ATP10D: variants seen among roughly 807,000 people sequenced by gnomAD.
ATP10D encodes the protein ATPase phospholipid transporting 10D (putative).
Under a neutral mutation model 144.8 loss-of-function variants are expected in ATP10D, and 89 were observed. That is an observed-to-expected ratio of 0.61 (90% confidence interval 0.52 to 0.73). The LOEUF (loss-of-function observed/expected upper bound fraction) is 0.73. Among genes scored for constraint, ATP10D ranks in the 30% least tolerant of loss-of-function variants. The pLI is 0.00. For synonymous variants in ATP10D, 571 were observed against 615.1 expected, an observed-to-expected ratio of 0.93 and a Z score of 1.06; for missense variants, 1,603 against 1,714.8, an observed-to-expected ratio of 0.93 and a Z score of 1.15.
At chr4:47,515,390 T>C in intron 2 of ATP10D, 86 bp from the exon 3 acceptor site, 1 of 1,073,566 alleles carries the variant, frequency 9.3e-7, no homozygotes, top group East Asian at 2.4e-5. Flanking sequence ...AATAGAAACT[T>C]ACAGAAAAAC....
chr4:47,563,492 G>A (rs998995468), intron 14 of ATP10D, 89 bp from the exon 15 acceptor site: 4 of 1,241,760 alleles, frequency 3.2e-6, no homozygotes, highest in African/African-American at 1.5e-5. Flanking sequence ...GGTTGAGTTG[G>A]CTAACAGATA....
rs1229049567 is a variant in ATP10D, at chr4:47,576,925, G to T, written c.3519G>T (p.Glu1173Asp). The T allele has an allele frequency of 6.2e-7, 1 of 1,614,152 alleles. No homozygotes were observed. Among genetic ancestry groups the T allele is most frequent in the East Asian group, 2.2e-5 (1 of 44,876 alleles). Residue 1173 changes from glutamate (E) to aspartate (D), a missense_variant, in exon 19 of 23, where the codon GAG becomes GAT. Transcript: ENST00000273859. ...YGVLEKDVSA[E>D]TLMQLPELYR... is the part of the protein sequence containing the mutation. ...TTTTGGAGAAAGATGTGTCTGCAGA[G>T]ACCCTCATGCAACTGCCTGAACTTT...
chr4:47,550,943 T>G (rs1718701553), intron 10 of ATP10D, among the ~76,000 whole-genome samples: 1 of 151,948 alleles, frequency 6.6e-6, no homozygotes, highest in African/African-American at 2.4e-5. Flanking sequence ...TTTAATAGAG[T>G]GAAATAGAGC....
At chr4:47,579,537 C>G (rs887884865) in intron 19 of ATP10D, among the ~76,000 whole-genome samples, 2 of 152,086 alleles carry the variant, frequency 1.3e-5, no homozygotes, top group Non-Finnish European at 2.9e-5. Context: ...AGCTAGGATA[C>G]AAGTAATGAG....
At position 47,580,412 on chromosome 4, in the gene ATP10D, TACCTTCTGGATC is replaced by T; in HGVS notation, c.3588_3599del (p.Phe1196_Thr1199del). The T allele has an allele frequency of 3.1e-6, 5 of 1,613,444 alleles. No homozygotes were observed. Among genetic ancestry groups the T allele is most frequent in the Non-Finnish European group, 4.2e-6 (5 of 1,179,458 alleles). ...TTCATTTCTAGGCATACTTACCCCA[TACCTTCTGGATC>T]ACCTTATTGGATGCTTTTTATCAAA... On this transcript the variant is annotated inframe_deletion, in exon 20 of 23. Transcript: ENST00000273859.
Position 47,512,578 on chromosome 4 carries a change from G to A in ATP10D, c.38G>A (p.Arg13Gln), listed in dbSNP as rs111932778. 4.0e-5 allele frequency: 65 copies of A among 1,614,128 alleles called. No homozygotes were observed. Among genetic ancestry groups the A allele is most frequent in the Non-Finnish European group, 4.7e-5 (55 of 1,180,012 alleles). Reference sequence around the variant, plus strand: ...CTCCAATGGGCCAGATATCACTGGCGACGGCTGATCAGAGGTGCAACCAGG... The same window carrying A: ...CTCCAATGGGCCAGATATCACTGGCAACGGCTGATCAGAGGTGCAACCAGG... ...EALQWARYHW[R>Q]RLIRGATRDD... Residue 13 changes from arginine to glutamine, a missense_variant, in exon 2 of 23, where the codon CGA becomes CAA. Coordinates refer to ENST00000273859, the MANE Select transcript of ATP10D (RefSeq NM_020453.4).
intron 10 of ATP10D, chr4:47,547,162 A>G: frequency 2.6e-6 from 1 of 381,366 alleles, no homozygotes; most frequent in South Asian, 3.0e-5. Flanking sequence ...CCTTGGTTTA[A>G]GAATCATGGC....
chr4:47,540,362 T>G (rs1414283280), intron 9 of ATP10D, among the ~76,000 whole-genome samples: 1 of 152,182 alleles, frequency 6.6e-6, no homozygotes, highest in Non-Finnish European at 1.5e-5. Context: ...AGCTTCGAAA[T>G]GTGTTCCATG....
At chr4:47,568,720 A>G (rs1719772542) in intron 15 of ATP10D, 117 bp from the exon 16 acceptor site, 1 of 856,208 alleles carries the variant, frequency 1.2e-6, no homozygotes, top group Non-Finnish European at 1.8e-6. Context: ...ATAATCAGTT[A>G]TTCATTATTT....
At chr4:47,503,346 A>G (rs1275851387) in intron 1 of ATP10D, among the ~76,000 whole-genome samples, 1 of 152,366 alleles carries the variant, frequency 6.6e-6, no homozygotes, top group East Asian at 1.9e-4. Context: ...AGTGTCTGGC[A>G]TATGGTAGGT....
Position 47,569,024 on chromosome 4 carries a change from AG to A in ATP10D, c.3042del (p.Lys1014AsnfsTer6). On this transcript the variant is annotated frameshift_variant, in exon 16 of 23. Coordinates refer to ENST00000273859, the MANE Select transcript of ATP10D (RefSeq NM_020453.4). LOFTEE classifies it high-confidence loss of function. ...LEFALQESLQ[K>X]QFLELTSWCQ... ...TTTGCCCTGCAAGAAAGTCTGCAAA[AG>A]CAGTTCCTGGAACTGACATCTTGGT... 6.2e-7 allele frequency: 1 copy of A among 1,614,200 alleles called. No individual in the cohort carries two copies. The highest frequency in any genetic ancestry group is 8.5e-7 in the Non-Finnish European group (1 of 1,180,030).
intron 17 of ATP10D, 84 bp downstream of exon 17, chr4:47,572,314 C>T: frequency 5.7e-6 from 7 of 1,238,588 alleles, no homozygotes; most frequent in Non-Finnish European, 8.3e-6. Context: ...TTCTCTGTGG[C>T]AGAGTGAGGC....
chr4:47,524,530 T>C (rs1364717351), intron 4 of ATP10D, among the ~76,000 whole-genome samples: 2 of 152,222 alleles, frequency 1.3e-5, no homozygotes, highest in Admixed American at 1.3e-4. Context: ...GCAATTAATA[T>C]TTGCATTAAA....
At chr4:47,512,242 C>A (rs1027322191) in intron 1 of ATP10D, among the ~76,000 whole-genome samples, 21 of 152,030 alleles carry the variant, frequency 1.4e-4, no homozygotes, top group African/African-American at 5.1e-4. Flanking sequence ...CAAATTAAGC[C>A]CAAATTGTTT....
chr4:47,540,910 T>C (rs1718101555), intron 9 of ATP10D, among the ~76,000 whole-genome samples: 1 of 152,178 alleles, frequency 6.6e-6, no homozygotes, highest in South Asian at 2.1e-4. Context: ...TGTCCATCAA[T>C]TTGGGCTTGT....
At chr4:47,552,162 C>A (rs1430519423) in intron 10 of ATP10D, among the ~76,000 whole-genome samples, 3 of 152,186 alleles carry the variant, frequency 2.0e-5, no homozygotes, top group African/African-American at 7.2e-5. Flanking sequence ...CACTTTCACA[C>A]ACTGTTCCCA....
Position 47,558,176 on chromosome 4 carries a change from G to A in ATP10D, c.2337G>A (p.Met779Ile). 1 of 1,614,206 alleles carries A rather than the reference G, an allele frequency of 6.2e-7. No homozygotes were observed. Among genetic ancestry groups the A allele is most frequent in the Non-Finnish European group, 8.5e-7 (1 of 1,180,044 alleles). The change falls in exon 12 of 23, where the codon ATG becomes ATA. Residue 779 changes from methionine to isoleucine, a missense_variant. Transcript: ENST00000273859. ...ILPFDSVRKRMSVVVRHPLSN... is the reference protein window; with the variant it reads ...ILPFDSVRKRISVVVRHPLSN... ...CCTTTGACTCAGTAAGAAAAAGAAT[G>A]TCTGTTGTGGTCCGACACCCTCTTT...
intron 3 of ATP10D, among the ~76,000 whole-genome samples, chr4:47,520,012 A>G (rs4499679): frequency 0.5 from 75,694 of 152,074 alleles, 19,836 homozygotes; most frequent in East Asian, 0.83. Flanking sequence ...ACAAATGGGG[A>G]AAAATGAAGT....
chr4:47,563,211 CT>C (rs772832642), intron 14 of ATP10D, among the ~76,000 whole-genome samples: 8 of 152,134 alleles, frequency 5.3e-5, no homozygotes, highest in Non-Finnish European at 1.0e-4. Context: ...TTTGTGCCCC[CT>C]AAGTCTATAA....
Sources: gnomAD v4.1 joint callset for allele counts (sites outside exome capture counted in the v4.1 genomes callset) on GRCh38, gnomAD v4.1.1 for gene constraint, MANE v1.5 for transcripts, NCBI Gene and HGNC (gene_info 2026-07-23, HGNC 2026-07-21) for gene names.